Variants in TMEM132C observed in about 807,000 individuals in gnomAD.
TMEM132C encodes protein phosphatase 1, regulatory subunit 152.
A neutral mutation model predicts 61.4 loss-of-function variants in TMEM132C; 29 were observed. That is an observed-to-expected ratio of 0.47 (90% CI 0.35 to 0.64). TMEM132C has a LOEUF of 0.64. Among genes scored for constraint, TMEM132C ranks in the 30% least tolerant of loss-of-function variants. TMEM132C has a pLI of 0.00. For missense variants in TMEM132C, 1,408 were observed against 1,476.9 expected, an observed-to-expected ratio of 0.95 and a Z score of 0.76; for synonymous variants, 656 against 633.1, an observed-to-expected ratio of 1.04 and a Z score of -0.54.
chr12:128,442,680 C>T (rs1001505929), intron 2 of TMEM132C, among the ~76,000 whole-genome samples: 2 of 151,522 alleles, frequency 1.3e-5, no homozygotes, highest in African/African-American at 2.4e-5. Flanking sequence ...AATCATGCTA[C>T]AAAGGGTATT....
At chr12:128,665,981 A>G (rs1188164071) in intron 4 of TMEM132C, among the ~76,000 whole-genome samples, 1 of 148,614 alleles carries the variant, frequency 6.7e-6, no homozygotes, top group Middle Eastern at 3.3e-3. Flanking sequence ...ATGTACCCGT[A>G]AACACACAGG....
intron 5 of TMEM132C, among the ~76,000 whole-genome samples, chr12:128,678,204 T>C (rs1280701856): frequency 6.6e-6 from 1 of 152,150 alleles, no homozygotes; most frequent in Non-Finnish European, 1.5e-5. Context: ...CTCTGGAAGG[T>C]CTTTATCCTC....
intron 1 of TMEM132C, among the ~76,000 whole-genome samples, chr12:128,383,062 G>A (rs1874459791): frequency 6.6e-6 from 1 of 152,110 alleles, no homozygotes; most frequent in African/African-American, 2.4e-5. Flanking sequence ...GCATCTGTAT[G>A]TATGTGTATG....
chr12:128,532,753 C>G (rs12579967), intron 2 of TMEM132C, among the ~76,000 whole-genome samples: 22,617 of 151,400 alleles, frequency 0.15, 2,482 homozygotes, highest in African/African-American at 0.3. Flanking sequence ...GGGTGAAGCT[C>G]GAGTGCCTGA....
At chr12:128,524,119 C>CTACA (rs1020922070) in intron 2 of TMEM132C, among the ~76,000 whole-genome samples, 1 of 151,874 alleles carries the variant, frequency 6.6e-6, no homozygotes, top group Non-Finnish European at 1.5e-5. Flanking sequence ...TTTCTCTGTA[C>CTACA]TACAACAACA....
chr12:128,539,325 C>T (rs2136143530), intron 2 of TMEM132C, among the ~76,000 whole-genome samples: 1 of 152,270 alleles, frequency 6.6e-6, no homozygotes, highest in South Asian at 2.1e-4. Context: ...CCTTAGCACA[C>T]ACATGTGTGG....
chr12:128,372,193 A>G (rs1256852628), intron 1 of TMEM132C, among the ~76,000 whole-genome samples: 2 of 152,204 alleles, frequency 1.3e-5, no homozygotes, highest in Non-Finnish European at 2.9e-5. Flanking sequence ...AGAGAAACCA[A>G]GTCCTATGAC....
intron 3 of TMEM132C, among the ~76,000 whole-genome samples, chr12:128,567,135 C>G (rs991548437): frequency 6.6e-6 from 1 of 152,116 alleles, no homozygotes; most frequent in African/African-American, 2.4e-5. Flanking sequence ...CAGGACCACT[C>G]AAGGATAGCC....
intron 5 of TMEM132C, among the ~76,000 whole-genome samples, chr12:128,685,394 C>T (rs1954665818): frequency 6.6e-6 from 1 of 152,328 alleles, no homozygotes; most frequent in South Asian, 2.1e-4. Flanking sequence ...CCGGACAGCT[C>T]AGCCTAAGGT....
intron 4 of TMEM132C, among the ~76,000 whole-genome samples, chr12:128,617,395 G>A (rs1876843273): frequency 1.3e-5 from 2 of 152,234 alleles, no homozygotes; most frequent in African/African-American, 4.8e-5. Flanking sequence ...AATCCTTTGG[G>A]ACAGAGACTG....
At chr12:128,654,254 G>A (rs139732333) in intron 4 of TMEM132C, among the ~76,000 whole-genome samples, 9 of 152,218 alleles carry the variant, frequency 5.9e-5, no homozygotes, top group East Asian at 1.9e-4. Flanking sequence ...ATAGAGCCAC[G>A]GGGAGAGCGT....
At chr12:128,268,170 C>G (rs1472327544) in intron 1 of TMEM132C, among the ~76,000 whole-genome samples, 1 of 152,218 alleles carries the variant, frequency 6.6e-6, no homozygotes, top group East Asian at 1.9e-4. Flanking sequence ...AACTACCTCA[C>G]CAGCGGTCCT....
At chr12:128,354,738 T>C (rs527971472) in intron 1 of TMEM132C, among the ~76,000 whole-genome samples, 1 of 152,340 alleles carries the variant, frequency 6.6e-6, no homozygotes, top group South Asian at 2.1e-4. Flanking sequence ...CATTATGTGA[T>C]CTGTGCGTCT....
At chr12:128,643,278 C>T (rs574375256) in intron 4 of TMEM132C, among the ~76,000 whole-genome samples, 3 of 152,264 alleles carry the variant, frequency 2.0e-5, no homozygotes, top group African/African-American at 7.2e-5. Context: ...AAAATGTCTC[C>T]ACTAATTTGC....
At chr12:128,482,707 G>A (rs988413894) in intron 2 of TMEM132C, among the ~76,000 whole-genome samples, 7 of 152,124 alleles carry the variant, frequency 4.6e-5, no homozygotes, top group Non-Finnish European at 1.0e-4. Flanking sequence ...TCGGGAGGGT[G>A]TATGTGTCCA....
intron 2 of TMEM132C, among the ~76,000 whole-genome samples, chr12:128,460,186 GAGA>G (rs2136067851): frequency 6.6e-6 from 1 of 152,240 alleles, no homozygotes; most frequent in Middle Eastern, 3.4e-3. Flanking sequence ...TGGCTTAGGG[GAGA>G]AGAAGGGGGA....
At chr12:128,480,531 G>A (rs1221774378) in intron 2 of TMEM132C, among the ~76,000 whole-genome samples, 2 of 152,202 alleles carry the variant, frequency 1.3e-5, no homozygotes, top group Non-Finnish European at 2.9e-5. Flanking sequence ...GGGAGCTGAG[G>A]CATCTGGCTG....
Position 128,414,765 on chromosome 12 carries a change from A to G in TMEM132C, c.119A>G (p.Gln40Arg), listed in dbSNP as rs1238612036. The G allele has an allele frequency of 3.9e-6, 6 of 1,537,802 alleles. No individual in the cohort carries two copies. In the South Asian group the frequency reaches 4.8e-5, roughly 12 times the overall value. ...GGTCACGGGGTCACAGACAACATACAGAGATTCTCCTCACTGCCACCTTAC... is the reference window on the plus strand; with the variant it reads ...GGTCACGGGGTCACAGACAACATACGGAGATTCTCCTCACTGCCACCTTAC... ...IEGHGVTDNI[Q>R]RFSSLPPYLP... The change falls in exon 2 of 9, where the codon CAG becomes CGG. Residue 40 changes from glutamine to arginine, a missense_variant. Physicochemically the swap from Gln to Arg is conservative, Grantham distance 43. Coordinates refer to ENST00000435159, the MANE Select transcript of TMEM132C (RefSeq NM_001136103.3).
At chr12:128,341,862 G>A (rs901683057) in intron 1 of TMEM132C, among the ~76,000 whole-genome samples, 23 of 144,084 alleles carry the variant, frequency 1.6e-4, no homozygotes, top group Non-Finnish European at 3.1e-4. Flanking sequence ...TTAACTACTC[G>A]ATAAACCACT....
Sources: gnomAD v4.1 joint callset for allele counts (sites outside exome capture counted in the v4.1 genomes callset) on GRCh38, gnomAD v4.1.1 for gene constraint, MANE v1.5 for transcripts, NCBI Gene and HGNC (gene_info 2026-07-23, HGNC 2026-07-21) for gene names.